The following FRAS1 variants were observed in gnomAD, a reference collection of about 807,000 sequenced individuals.
The protein encoded by FRAS1 is Fraser extracellular matrix complex subunit 1.
A neutral mutation model predicts 435.2 loss-of-function variants in FRAS1; 290 were observed. That is an observed-to-expected ratio of 0.67 (90% CI 0.61 to 0.73). FRAS1 has a LOEUF of 0.73. FRAS1 is among the 30% of genes least tolerant of loss of function. The pLI is 0.00. For synonymous variants in FRAS1, 1,800 were observed against 1,851.0 expected, an observed-to-expected ratio of 0.97 and a Z score of 0.71; for missense variants, 4,860 against 5,001.5, an observed-to-expected ratio of 0.97 and a Z score of 0.85.
intron 61 of FRAS1, among the ~76,000 whole-genome samples, chr4:78,500,567 T>C (rs1460483522): frequency 6.6e-6 from 1 of 152,168 alleles, no homozygotes; most frequent in African/African-American, 2.4e-5. Flanking sequence ...ATCTAACTGG[T>C]ATAGATCCTG....
At chr4:78,284,222 G>A (rs1727465494) in intron 12 of FRAS1, among the ~76,000 whole-genome samples, 183 bp from the exon 13 acceptor site, 1 of 123,650 alleles carries the variant, frequency 8.1e-6, no homozygotes, top group Non-Finnish European at 1.7e-5. Context: ...ATCTTGCATT[G>A]GAATGTATTT....
At chr4:78,530,245 G>A (rs1721670890) in intron 70 of FRAS1, among the ~76,000 whole-genome samples, 1 of 151,990 alleles carries the variant, frequency 6.6e-6, no homozygotes, top group Non-Finnish European at 1.5e-5. Context: ...TTTGAAACTG[G>A]CTAAAAGGAT....
At chr4:78,425,690 A>G (rs1733971071) in intron 35 of FRAS1, among the ~76,000 whole-genome samples, 1 of 152,226 alleles carries the variant, frequency 6.6e-6, no homozygotes, top group African/African-American at 2.4e-5. Context: ...AGGCCTCTAC[A>G]TAATTCATAC....
intron 2 of FRAS1, among the ~76,000 whole-genome samples, chr4:78,156,764 G>A (rs909350135): frequency 3.9e-5 from 6 of 152,100 alleles, no homozygotes; most frequent in African/African-American, 2.4e-5. Context: ...TTGGGGATCC[G>A]GAACAAGTGT....
chr4:78,325,261 A>T (rs908228948), intron 18 of FRAS1, among the ~76,000 whole-genome samples: 7 of 152,204 alleles, frequency 4.6e-5, no homozygotes, highest in East Asian at 1.9e-4. Context: ...ATCAGTTTTT[A>T]AAAAAATAAT....
intron 18 of FRAS1, among the ~76,000 whole-genome samples, chr4:78,325,388 C>T (rs1442830507): frequency 6.6e-6 from 1 of 152,094 alleles, no homozygotes; most frequent in Non-Finnish European, 1.5e-5. Flanking sequence ...GGCCTCAAGG[C>T]AAAGAGTTTT....
At chr4:78,294,534 T>C (rs139490713) in intron 14 of FRAS1, among the ~76,000 whole-genome samples, 68 of 152,320 alleles carry the variant, frequency 4.5e-4, no homozygotes, top group African/African-American at 1.6e-3. Context: ...TACCAGATAC[T>C]CCTGATGAGC....
rs116162836 is a variant in FRAS1, at chr4:78,133,153, G to A, written c.108+67137G>A. ...ACAGATGAATGGATACATAAAATTG[G>A]TACTTATACAAAGTGGAGTACTAAC... On this transcript the variant is annotated intron_variant, in intron 2 of 73. Transcript: ENST00000512123. Among the ~76,000 whole-genome samples, 568 of 152,252 alleles carry A rather than the reference G, an allele frequency of 3.7e-3. 5 individuals are homozygous for A. Among genetic ancestry groups the A allele is most frequent in the African/African-American group, 0.013 (523 of 41,532 alleles).
At position 78,472,327 on chromosome 4, in the gene FRAS1, C is replaced by A; in HGVS notation, c.7519C>A (p.Gln2507Lys). Residue 2507 changes from glutamine (Q) to lysine (K), a missense_variant, in exon 52 of 74, where the codon CAG (glutamine) becomes AAG (lysine). By Grantham distance (53) the Gln-to-Lys change is moderately conservative. Transcript: ENST00000512123. ...QPGRAAATFT[Q>K]EDVNLGLIRY... is the part of the protein sequence containing the mutation. Reference sequence around the variant, plus strand: ...TGGCAGAGCTGCTGCCACTTTCACCCAGGGTGGGGACTCTCTGGGAACTTA... The same window carrying A: ...TGGCAGAGCTGCTGCCACTTTCACCAAGGGTGGGGACTCTCTGGGAACTTA... The A allele has an allele frequency of 1.2e-6, 2 of 1,605,200 alleles. No homozygotes were observed. Among genetic ancestry groups the A allele is most frequent in the Non-Finnish European group, 1.7e-6 (2 of 1,174,022 alleles).
At chr4:78,454,052 G>A (rs1355428074) in intron 47 of FRAS1, among the ~76,000 whole-genome samples, 1 of 152,090 alleles carries the variant, frequency 6.6e-6, no homozygotes, top group African/African-American at 2.4e-5. Flanking sequence ...GTGTCTAGGA[G>A]AAGGAAGGGT....
In FRAS1 at chr4:78,252,373, C is replaced by A; in HGVS notation, c.310-19C>A. The A allele has an allele frequency of 6.8e-7, 1 of 1,470,396 alleles. No homozygotes were observed. Among genetic ancestry groups the A allele is most frequent in the Non-Finnish European group, 9.1e-7 (1 of 1,103,696 alleles). 91.1% of individuals were successfully genotyped at this position (1,470,396 alleles called of 1,614,324 possible). On this transcript the variant is annotated intron_variant, in intron 4 of 73. Transcript: ENST00000512123. ...TTTTGGCACTAACCTTTTTTTTTTT[C>A]TGTCTCCCTAACACACAGCATGGGA...
chr4:78,088,836 G>A (rs959785407), intron 2 of FRAS1, among the ~76,000 whole-genome samples: 2 of 152,214 alleles, frequency 1.3e-5, no homozygotes, highest in African/African-American at 2.4e-5. Context: ...TGGTGGGACT[G>A]TAAACTAGTT....
rs111806718 is a variant in FRAS1 at position 78,340,530 on chromosome 4, T to A, written c.2422+2713T>A. On this transcript the variant is annotated intron_variant, in intron 20 of 73. Coordinates refer to ENST00000512123, the MANE Select transcript of FRAS1 (RefSeq NM_025074.7). ...CATCAAACATTTATGAAGCCTTTGC[T>A]CTGTGCCAGGCATTGTACTGGGCTC... Among the ~76,000 whole-genome samples, 7 of 152,358 alleles carry A rather than the reference T, an allele frequency of 4.6e-5. 1 individual carries two copies. Among genetic ancestry groups the A allele is most frequent in the Middle Eastern group, 3.4e-3 (1 of 294 alleles).
intron 2 of FRAS1, among the ~76,000 whole-genome samples, chr4:78,115,179 C>T (rs1398738246): frequency 6.6e-6 from 1 of 151,118 alleles, no homozygotes; most frequent in Non-Finnish European, 1.5e-5. Flanking sequence ...GGGATGAAGC[C>T]CACTTGATCA....
At chr4:78,072,111 G>GT (rs1269941549) in intron 2 of FRAS1, 1 of 151,786 alleles carries the variant, frequency 6.6e-6, no homozygotes, top group Non-Finnish European at 1.5e-5. Context: ...TAAAATTACA[G>GT]TTAATTGTAC....
chr4:78,186,465 G>A lies in FRAS1; in HGVS notation c.109-51045G>A, dbSNP rs187205125. The stretch of plus-strand genomic sequence containing the variant: ...AAGTGTGTATTAATTTGGAGCCACC[G>A]TATTAAGTTTGAATCACATGAGGCT... On this transcript the variant is annotated intron_variant, in intron 2 of 73. Coordinates refer to ENST00000512123, the MANE Select transcript of FRAS1 (RefSeq NM_025074.7). Among the ~76,000 whole-genome samples the A allele has an allele frequency of 2.5e-4, 38 of 152,288 alleles. No homozygotes were observed. In the East Asian group the frequency reaches 6.0e-3, roughly 24 times the overall value.
At chr4:78,226,808 A>C (rs978540854) in intron 2 of FRAS1, among the ~76,000 whole-genome samples, 1 of 152,136 alleles carries the variant, frequency 6.6e-6, no homozygotes, top group African/African-American at 2.4e-5. Flanking sequence ...TTAGAACTCA[A>C]TCACCCATTT....
At chr4:78,520,522 T>C (rs1721354175) in intron 67 of FRAS1, among the ~76,000 whole-genome samples, 1 of 152,246 alleles carries the variant, frequency 6.6e-6, no homozygotes, top group East Asian at 1.9e-4. Context: ...CACCAAGATC[T>C]GAGGATGCTC....
At chr4:78,143,509 G>C (rs898047873) in intron 2 of FRAS1, among the ~76,000 whole-genome samples, 1 of 152,084 alleles carries the variant, frequency 6.6e-6, no homozygotes, top group South Asian at 2.1e-4. Flanking sequence ...TAGTGCATTT[G>C]ACAACTGCAA....
Sources: allele counts gnomAD v4.1 joint callset (sites outside exome capture counted in the v4.1 genomes callset), GRCh38; gene constraint gnomAD v4.1.1; transcripts MANE v1.5; gene names NCBI Gene and HGNC (gene_info 2026-07-23, HGNC 2026-07-21).